The following MRC1 variants were observed in gnomAD, a reference collection of about 807,000 sequenced individuals.
MRC1 encodes the protein mannose receptor C-type 1, also known as macrophage mannose receptor 1.
MRC1 carries 62 observed loss-of-function variants against 102.9 expected under a neutral mutation model. That is an observed-to-expected ratio of 0.60 (90% confidence interval 0.49 to 0.74). The LOEUF (loss-of-function observed/expected upper bound fraction) is 0.74. MRC1 is among the 30% of genes least tolerant of loss of function. The pLI is 0.00. For missense variants in MRC1, 1,237 were observed against 862.8 expected, an observed-to-expected ratio of 1.43 and a Z score of -5.43; for synonymous variants, 457 against 298.4, an observed-to-expected ratio of 1.53 and a Z score of -5.48.
At chr10:17,885,585 C>T (rs1833581110) in intron 22 of MRC1, 150 bp downstream of exon 22, 4 of 662,180 alleles carry the variant, frequency 6.0e-6, no homozygotes, top group East Asian at 5.0e-5. Context: ...ACTGAGCTGA[C>T]TTTGAGAGAG....
chr10:17,887,896 G>C (rs1473878388), intron 22 of MRC1, among the ~76,000 whole-genome samples: 1 of 152,066 alleles, frequency 6.6e-6, no homozygotes, highest in Non-Finnish European at 1.5e-5. Context: ...TCCACCTCCC[G>C]GGTTCACGTG....
At chr10:17,894,130 T>C (rs1002331950) in intron 22 of MRC1, 80 bp from the exon 23 acceptor site, 7 of 843,384 alleles carry the variant, frequency 8.3e-6, no homozygotes, top group Non-Finnish European at 1.3e-5. Flanking sequence ...TAATGAAAGA[T>C]TTTTTTGCTT....
At chr10:17,856,390 C>A (rs1358661544) in intron 9 of MRC1, 38 bp downstream of exon 9, 3 of 819,804 alleles carry the variant, frequency 3.7e-6, no homozygotes, top group East Asian at 5.2e-5. Flanking sequence ...AAGCTGAGCA[C>A]GTATGAGTTG....
chr10:17,835,058 A>G (rs1838642357), intron 4 of MRC1, among the ~76,000 whole-genome samples: 3 of 152,212 alleles, frequency 2.0e-5, no homozygotes, highest in Admixed American at 6.5e-5. Flanking sequence ...GAACATCTGT[A>G]CTATTCCCGG....
chr10:17,887,421 A>C (rs1833614166), intron 22 of MRC1, among the ~76,000 whole-genome samples: 1 of 152,092 alleles, frequency 6.6e-6, no homozygotes, highest in South Asian at 2.1e-4. Flanking sequence ...AAAACAAACA[A>C]ACAAAAAACT....
At chr10:17,889,297 A>G (rs1833642403) in intron 22 of MRC1, among the ~76,000 whole-genome samples, 1 of 151,916 alleles carries the variant, frequency 6.6e-6, no homozygotes, top group African/African-American at 2.4e-5. Flanking sequence ...TTCTGTTTTT[A>G]TTCTGTATTT....
chr10:17,875,528 T>C (rs1212855260), intron 17 of MRC1, among the ~76,000 whole-genome samples: 1 of 152,226 alleles, frequency 6.6e-6, no homozygotes, highest in Non-Finnish European at 1.5e-5. Context: ...TGGTTTTCCA[T>C]TCCTGAGTTA....
chr10:17,890,241 T>A (rs1262197002), intron 22 of MRC1, among the ~76,000 whole-genome samples: 1 of 152,204 alleles, frequency 6.6e-6, no homozygotes, highest in African/African-American at 2.4e-5. Context: ...CTGGCTTCTT[T>A]CAAGATTTTC....
intron 29 of MRC1, among the ~76,000 whole-genome samples, chr10:17,909,735 T>TA (rs1202312842): frequency 2.6e-5 from 4 of 150,950 alleles, no homozygotes; most frequent in Non-Finnish European, 4.4e-5. Flanking sequence ...GTTGGCTGCT[T>TA]AAAAAAAAAC....
intron 11 of MRC1, among the ~76,000 whole-genome samples, chr10:17,866,115 C>T (rs1036734818): frequency 8.5e-4 from 130 of 152,210 alleles, no homozygotes; most frequent in African/African-American, 3.0e-3. Context: ...AAGTTCAGAG[C>T]GTTTGAGTAA....
chr10:17,870,007 C>G (rs1358313932), intron 12 of MRC1, among the ~76,000 whole-genome samples: 4 of 152,200 alleles, frequency 2.6e-5, no homozygotes, highest in African/African-American at 9.6e-5. Flanking sequence ...CATCTAATTT[C>G]TCTTGTGCTA....
chr10:17,819,090 C>G (rs1413370513), intron 1 of MRC1, among the ~76,000 whole-genome samples: 5 of 152,124 alleles, frequency 3.3e-5, no homozygotes, highest in Non-Finnish European at 7.3e-5. Context: ...CCCAGAAAAC[C>G]TCTCCATAAA....
intron 12 of MRC1, among the ~76,000 whole-genome samples, chr10:17,868,261 G>A (rs942543552): frequency 4.4e-4 from 67 of 152,308 alleles, no homozygotes; most frequent in African/African-American, 1.5e-3. Context: ...AAAGGAAAGA[G>A]GTTGAATTGT....
intron 24 of MRC1, among the ~76,000 whole-genome samples, chr10:17,898,863 C>T (rs1833790804): frequency 6.6e-6 from 1 of 152,206 alleles, no homozygotes; most frequent in Admixed American, 6.5e-5. Flanking sequence ...CCTAGTCATG[C>T]ATCTGTCCTC....
chr10:17,815,191 A>G (rs1299925851), intron 1 of MRC1, among the ~76,000 whole-genome samples: 4 of 152,168 alleles, frequency 2.6e-5, no homozygotes, highest in Non-Finnish European at 5.9e-5. Context: ...CCTTTATTTT[A>G]CAGATGGGGA....
chr10:17,869,330 T>C (rs1833321983), intron 12 of MRC1, among the ~76,000 whole-genome samples: 1 of 152,172 alleles, frequency 6.6e-6, no homozygotes, highest in East Asian at 1.9e-4. Flanking sequence ...TGTGGATATT[T>C]ACTTAAACAC....
In MRC1 at chr10:17,872,209, G is replaced by A. The variant is rs1301823929; in HGVS notation, c.2344+83G>A. On this transcript the variant is annotated intron_variant, in intron 15 of 29. Coordinates refer to ENST00000569591, the MANE Select transcript of MRC1 (RefSeq NM_002438.4). ...CAGAATCTTTCCTTTATTAGCAGAA[G>A]CAAACAAACAAAATAACAAAATCAG... 1.4e-5 allele frequency: 11 copies of A among 776,760 alleles called. No individual in the cohort carries two copies. The African/African-American group carries it at 1.7e-4, about 12-fold the overall frequency. The allele number at this position is 776,760 out of a possible 1,614,324, so 48.1% of individuals were successfully genotyped here.
intron 15 of MRC1, among the ~76,000 whole-genome samples, chr10:17,873,155 A>G (rs1833378640): frequency 6.6e-6 from 1 of 152,202 alleles, no homozygotes; most frequent in African/African-American, 2.4e-5. Flanking sequence ...AGCTTTCAAC[A>G]AAATCCAGAT....
At chr10:17,879,460 C>T (rs1056427806) in intron 18 of MRC1, among the ~76,000 whole-genome samples, 1 of 152,144 alleles carries the variant, frequency 6.6e-6, no homozygotes, top group East Asian at 1.9e-4. Context: ...TTCAAGCGAT[C>T]CTCCTGCCTC....
Sources: allele counts gnomAD v4.1 joint callset (sites outside exome capture counted in the v4.1 genomes callset), GRCh38; gene constraint gnomAD v4.1.1; transcripts MANE v1.5; gene names NCBI Gene and HGNC (gene_info 2026-07-23, HGNC 2026-07-21).